NAALADL2: variants seen among roughly 807,000 people sequenced by gnomAD.
NAALADL2 encodes the protein N-acetylated alpha-linked acidic dipeptidase like 2, also known as inactive N-acetylated-alpha-linked acidic dipeptidase-like protein 2.
A neutral mutation model predicts 87.2 loss-of-function variants in NAALADL2; 76 were observed. The observed-to-expected ratio is 0.87, with a 90% CI of 0.72 to 1.05. The LOEUF (loss-of-function observed/expected upper bound fraction) is 1.05, where lower values mean the gene tolerates loss of function less well. NAALADL2 is among the 50% of genes least tolerant of loss of function. The pLI, the probability that NAALADL2 is intolerant of heterozygous loss-of-function variation, is 0.00. For synonymous variants in NAALADL2, 354 were observed against 331.0 expected, an observed-to-expected ratio of 1.07 and a Z score of -0.75; for missense variants, 1,089 against 945.8, an observed-to-expected ratio of 1.15 and a Z score of -1.99.
At chr3:175,439,329 ATTAC>A (rs766332892) in intron 5 of NAALADL2, among the ~76,000 whole-genome samples, 1 of 150,862 alleles carries the variant, frequency 6.6e-6, no homozygotes, top group Non-Finnish European at 1.5e-5. Context: ...TTTTTTTATA[ATTAC>A]TTATTTTCCT....
intron 2 of NAALADL2, among the ~76,000 whole-genome samples, chr3:175,206,258 A>AT (rs1277208350): frequency 2.2e-5 from 2 of 91,842 alleles, no homozygotes; most frequent in African/African-American, 1.5e-4. Context: ...ATATATATAT[A>AT]TATATTTTTT....
intron 2 of NAALADL2, among the ~76,000 whole-genome samples, chr3:175,143,353 G>T (rs1730291742): frequency 6.6e-6 from 1 of 151,790 alleles, no homozygotes; most frequent in Non-Finnish European, 1.5e-5. Flanking sequence ...TATTCCCTTT[G>T]ATTCTGAAAA....
intron 1 of NAALADL2, among the ~76,000 whole-genome samples, chr3:175,073,559 G>A (rs1716042545): frequency 6.6e-6 from 1 of 152,074 alleles, no homozygotes; most frequent in Non-Finnish European, 1.5e-5. Flanking sequence ...CTGAATTGAA[G>A]TGAAAATGTT....
At chr3:175,286,595 G>T (rs528869609) in intron 4 of NAALADL2, among the ~76,000 whole-genome samples, 1 of 152,074 alleles carries the variant, frequency 6.6e-6, no homozygotes, top group East Asian at 1.9e-4. Flanking sequence ...AATACCTATG[G>T]ATCGACTTCT....
intron 3 of NAALADL2, among the ~76,000 whole-genome samples, chr3:174,781,664 C>T (rs1325766407): frequency 1.3e-5 from 2 of 151,806 alleles, no homozygotes; most frequent in Non-Finnish European, 2.9e-5. Flanking sequence ...ATGGATAGGA[C>T]TTAACATAAA....
At chr3:175,214,972 T>C (rs573486373) in intron 2 of NAALADL2, among the ~76,000 whole-genome samples, 1 of 152,276 alleles carries the variant, frequency 6.6e-6, no homozygotes, top group African/African-American at 2.4e-5. Context: ...ACTAATTCAC[T>C]ACATGTTTAT....
chr3:175,486,544 G>A (rs182842677), intron 9 of NAALADL2, among the ~76,000 whole-genome samples: 7 of 152,016 alleles, frequency 4.6e-5, no homozygotes, highest in Non-Finnish European at 1.0e-4. Flanking sequence ...TCTGTTTTTC[G>A]TCATCTTCAG....
rs567778566 is a variant in NAALADL2, at chr3:175,290,840, G to A, written c.940-33335G>A. ...TCTTCCCAGATCTCCATATCTGTTTGTCTTCTTGGTGAATGGAAATGTGTA... is the reference window on the plus strand; with the variant it reads ...TCTTCCCAGATCTCCATATCTGTTTATCTTCTTGGTGAATGGAAATGTGTA... On this transcript the variant is annotated intron_variant, in intron 4 of 13. Transcript: ENST00000454872. Among the ~76,000 whole-genome samples, 8 of 152,156 alleles carry A rather than the reference G, an allele frequency of 5.3e-5. No individual in the cohort carries two copies. In the South Asian group the frequency reaches 1.0e-3, roughly 20 times the overall value.
At chr3:175,685,234 A>G (rs1489144768) in intron 11 of NAALADL2, among the ~76,000 whole-genome samples, 7 of 152,138 alleles carry the variant, frequency 4.6e-5, no homozygotes, top group Admixed American at 6.5e-5. Context: ...ACCTCCATCT[A>G]TGCAGGTCTT....
chr3:174,929,524 ATGTAAGTATGTATGTGTACATATAC>A (rs1431293574), intron 1 of NAALADL2, among the ~76,000 whole-genome samples: 1 of 152,148 alleles, frequency 6.6e-6, no homozygotes, highest in Admixed American at 6.5e-5. Flanking sequence ...ATATTAATGT[ATGTAAGTATGTATGTGTACATATAC>A]AATACTATAA....
At chr3:174,645,138 A>G (rs1218137613) in intron 2 of NAALADL2, among the ~76,000 whole-genome samples, 1 of 152,190 alleles carries the variant, frequency 6.6e-6, no homozygotes, top group Non-Finnish European at 1.5e-5. Flanking sequence ...GTACAGCTGG[A>G]GAACTCCAAC....
chr3:174,547,293 AT>A (rs1278037228), intron 1 of NAALADL2, among the ~76,000 whole-genome samples: 1 of 152,124 alleles, frequency 6.6e-6, no homozygotes, highest in Non-Finnish European at 1.5e-5. Flanking sequence ...TGACAAGTAG[AT>A]TTTTAAGGGG....
At chr3:175,077,281 T>G (rs777952596) in intron 1 of NAALADL2, among the ~76,000 whole-genome samples, 8 of 152,188 alleles carry the variant, frequency 5.3e-5, no homozygotes, top group Non-Finnish European at 1.0e-4. Flanking sequence ...CCCTAGAAAT[T>G]TGGCTGTTTC....
At chr3:174,858,181 T>C (rs896578266), upstream of NAALADL2, among the ~76,000 whole-genome samples, 1 of 148,092 alleles carries the variant, frequency 6.8e-6, no homozygotes, top group Non-Finnish European at 1.5e-5. Context: ...ATATATAATA[T>C]ATAATTTGTA....
At position 174,634,463 on chromosome 3, in the gene NAALADL2, A is replaced by G. The variant is rs1722438475; in HGVS notation, c.-115+83826A>G. 2.0e-5 allele frequency among the ~76,000 whole-genome samples: 3 copies of G among 152,246 alleles called. No homozygotes were observed. The South Asian group carries it at 6.2e-4, about 32-fold the overall frequency. On this transcript the variant is annotated intron_variant, in intron 2 of 3. Coordinates refer to the NAALADL2 transcript ENST00000434257. Reference sequence around the variant, plus strand: ...TGAATGCCACTATTTTAAAAATGCAACTTCTACTCAGTTGAACAGTTGCAT... The same window carrying G: ...TGAATGCCACTATTTTAAAAATGCAGCTTCTACTCAGTTGAACAGTTGCAT...
rs146119993 is a variant in NAALADL2 at position 174,550,477 on chromosome 3, T to A, written c.-183-92T>A. On this transcript the variant is annotated intron_variant, in intron 1 of 3. Coordinates refer to the NAALADL2 transcript ENST00000434257. ...TATTCTGCAACGTAGTTAAAAGAGG[T>A]GATTAAATTAAAGCCACAGACTTGT... 336 of 152,156 alleles carry A rather than the reference T, an allele frequency of 2.2e-3. 1 individual carries two copies. Among genetic ancestry groups the A allele is most frequent in the African/African-American group, 7.8e-3 (323 of 41,554 alleles). The allele number at this position is 152,156 out of a possible 1,614,324, so 9.4% of individuals were successfully genotyped here.
chr3:175,181,322 C>T (rs7430096), intron 2 of NAALADL2, among the ~76,000 whole-genome samples: 109,938 of 151,636 alleles, frequency 0.73, 40,508 homozygotes, highest in Non-Finnish European at 0.8. Context: ...ATTTATGTGG[C>T]ACAAAGTGAT....
At chr3:174,708,777 TAGGAATTTAA>T (rs1280957332) in intron 2 of NAALADL2, among the ~76,000 whole-genome samples, 1 of 152,170 alleles carries the variant, frequency 6.6e-6, no homozygotes, top group Non-Finnish European at 1.5e-5. Context: ...TGTTTAGACC[TAGGAATTTAA>T]AGGAGTTAAA....
chr3:175,623,863 C>A (rs1336115851), intron 10 of NAALADL2, among the ~76,000 whole-genome samples: 1 of 150,012 alleles, frequency 6.7e-6, no homozygotes, highest in East Asian at 1.9e-4. Flanking sequence ...TTTTTTGTTT[C>A]TTGGCGTTTT....
Sources: allele counts gnomAD v4.1 joint callset (sites outside exome capture counted in the v4.1 genomes callset), GRCh38; gene constraint gnomAD v4.1.1; transcripts MANE v1.5; gene names NCBI Gene and HGNC (gene_info 2026-07-23, HGNC 2026-07-21).